Variants in ST3GAL1 observed in about 807,000 individuals in gnomAD.
ST3GAL1 encodes the protein ST3 beta-galactoside alpha-2,3-sialyltransferase 1.
Under a neutral mutation model 34.1 loss-of-function variants are expected in ST3GAL1, and 16 were observed. That is an observed-to-expected ratio of 0.47 (90% CI 0.32 to 0.71). ST3GAL1 has a LOEUF of 0.71. ST3GAL1 is among the 30% of genes least tolerant of loss of function. The probability of loss-of-function intolerance (pLI) is 0.04; values close to 1 mark genes in which losing one functional copy is unlikely to be tolerated. For missense variants in ST3GAL1, 353 were observed against 447.4 expected (o/e 0.79, Z 1.90); for synonymous variants, 191 against 184.7 (o/e 1.03, Z -0.28).
At chr8:133,462,093 G>GGCTGTGCCT in intron 8 of ST3GAL1, 99 bp from the exon 9 acceptor site, 1 of 1,543,556 alleles carries the variant, frequency 6.5e-7, no homozygotes, top group Non-Finnish European at 8.8e-7. Context: ...TGGAGGCACA[G>GGCTGTGCCT]CCATGAGCCT....
chr8:133,531,009 C>T (rs752108350), intron 2 of ST3GAL1, among the ~76,000 whole-genome samples: 18 of 152,202 alleles, frequency 1.2e-4, no homozygotes, highest in Non-Finnish European at 2.4e-4. Context: ...GGAGCCCTAA[C>T]AGCTGACCTG....
Position 133,541,120 on chromosome 8 carries a change from T to TAGAGAGAGAGAG in ST3GAL1, c.-429+4642_-429+4653dup, listed in dbSNP as rs1554618899. On this transcript the variant is annotated intron_variant, in intron 2 of 9. Transcript: ENST00000522652. ...ACATATATATATATATATATATATATAGAGAGAGAGAGAGAGAGAGAGAGA... is the reference window on the plus strand; with the variant it reads ...ACATATATATATATATATATATATATAGAGAGAGAGAGAGAGAGAGAGAGAGAGAGAGAGAGA... Among the ~76,000 whole-genome samples, 342 of 48,610 alleles carry TAGAGAGAGAGAG rather than the reference T, an allele frequency of 7.0e-3. 20 individuals carry two copies. The highest frequency in any genetic ancestry group is 8.3e-3 in the African/African-American group (84 of 10,132). 31.9% of individuals were successfully genotyped at this position (48,610 alleles called of 152,430 possible). A position where few individuals can be genotyped will look rare whatever the true frequency, so the allele number is the denominator to read the frequency against.
intron 2 of ST3GAL1, among the ~76,000 whole-genome samples, chr8:133,509,267 G>A (rs575475232): frequency 6.6e-6 from 1 of 152,324 alleles, no homozygotes; most frequent in South Asian, 2.1e-4. Flanking sequence ...TGCAGTGAGC[G>A]GCTACTGAAC....
intron 7 of ST3GAL1, among the ~76,000 whole-genome samples, chr8:133,464,550 G>A (rs1016429697): frequency 6.6e-6 from 1 of 152,228 alleles, no homozygotes; most frequent in Non-Finnish European, 1.5e-5. Flanking sequence ...GGTCCCTTCA[G>A]GAATTGTTAG....
chr8:133,507,086 A>C (rs1310967680), intron 2 of ST3GAL1, among the ~76,000 whole-genome samples: 1 of 152,320 alleles, frequency 6.6e-6, no homozygotes, highest in African/African-American at 2.4e-5. Flanking sequence ...GGAAGGAAAG[A>C]CAGAAATCCA....
intron 2 of ST3GAL1, among the ~76,000 whole-genome samples, chr8:133,509,965 A>T (rs1177326259): frequency 6.6e-6 from 1 of 151,728 alleles, no homozygotes; most frequent in Non-Finnish European, 1.5e-5. Context: ...TGGCTGAGGC[A>T]GGAGAATTGC....
intron 8 of ST3GAL1, among the ~76,000 whole-genome samples, chr8:133,462,333 C>T (rs1337692321): frequency 6.6e-6 from 1 of 152,132 alleles, no homozygotes; most frequent in Non-Finnish European, 1.5e-5. Flanking sequence ...CTCCAGGGAA[C>T]AGTGTGAGGT....
At chr8:133,503,773 A>C (rs1198953711) in intron 2 of ST3GAL1, among the ~76,000 whole-genome samples, 1 of 152,220 alleles carries the variant, frequency 6.6e-6, no homozygotes, top group Non-Finnish European at 1.5e-5. Flanking sequence ...TTTCCTAAAA[A>C]TAACTGAACG....
chr8:133,456,938 G>A lies in ST3GAL1; in HGVS notation c.*2826C>T, dbSNP rs1815322723. ...ACTCTGACTTGTGCTATCTGTCCCAGACAGTTCACGACTGCCCGTCACTTC... is the reference window on the plus strand; with the variant it reads ...ACTCTGACTTGTGCTATCTGTCCCAAACAGTTCACGACTGCCCGTCACTTC... On this transcript the variant is annotated 3_prime_UTR_variant, in exon 10 of 10. Transcript: ENST00000522652. 6.6e-6 allele frequency: 1 copy of A among 152,296 alleles called. No homozygotes were observed. The highest frequency in any genetic ancestry group is 2.4e-5 in the African/African-American group (1 of 41,454). The allele number at this position is 152,296 out of a possible 1,614,324, so 9.4% of individuals were successfully genotyped here.
At chr8:133,557,837 G>A (rs535960134) in intron 1 of ST3GAL1, among the ~76,000 whole-genome samples, 72 of 151,464 alleles carry the variant, frequency 4.8e-4, no homozygotes, top group African/African-American at 1.5e-3. Flanking sequence ...TCTGGGAGGC[G>A]GAGGTTGCAG....
chr8:133,461,957 A>G lies in ST3GAL1; in HGVS notation c.767T>C (p.Phe256Ser). The change falls in exon 9 of 10, where the codon TTT (phenylalanine) becomes TCT (serine). Residue 256 changes from phenylalanine (F) to serine (S), a missense_variant. Phe to Ser is a radical substitution (Grantham distance 155). Transcript: ENST00000522652. The surrounding 1 kb of genome is among the most constrained non-coding windows in gnomAD (Gnocchi z 4.7). Reference protein sequence around the residue: ...IYHPAFIKYVFDNWLQGHGRY... With the variant: ...IYHPAFIKYVSDNWLQGHGRY... ...CCCGTGCCCTTGCAGCCAGTTGTCA[A>G]AGACATACTTGATGAAGGCTGGGTG... 1 of 1,614,182 alleles carries G rather than the reference A, an allele frequency of 6.2e-7. No individual in the cohort carries two copies. The highest frequency in any genetic ancestry group is 1.6e-4 in the Middle Eastern group (1 of 6,062).
In ST3GAL1 at chr8:133,508,700, T is replaced by C. The variant is rs1054981326; in HGVS notation, c.-428-9511A>G. On this transcript the variant is annotated intron_variant, in intron 2 of 9. Coordinates refer to ENST00000522652, the MANE Select transcript of ST3GAL1 (RefSeq NM_173344.3). The surrounding 1 kb of genome is among the most constrained non-coding windows in gnomAD (Gnocchi z 4.1). Reference sequence around the variant, plus strand: ...TGGCTTTTGTGAGGAACCAGAGCCATTGGTCATTTAGTAAAGACTCGTTGG... The same window carrying C: ...TGGCTTTTGTGAGGAACCAGAGCCACTGGTCATTTAGTAAAGACTCGTTGG... Among the ~76,000 whole-genome samples the C allele has an allele frequency of 2.6e-5, 4 of 152,010 alleles. No homozygotes were observed. The highest frequency in any genetic ancestry group is 1.5e-5 in the Non-Finnish European group (1 of 67,996).
chr8:133,549,876 C>T (rs1009169974), intron 1 of ST3GAL1, among the ~76,000 whole-genome samples: 6 of 152,112 alleles, frequency 3.9e-5, no homozygotes, highest in Admixed American at 1.3e-4. Context: ...GCAGGAGAAT[C>T]GCTTGAACCT....
chr8:133,567,289 C>T (rs1371081571), intron 1 of ST3GAL1: 2 of 152,204 alleles, frequency 1.3e-5, no homozygotes, highest in African/African-American at 2.4e-5. Context: ...GTAGTCTTTC[C>T]TCTCTGCATC....
At chr8:133,496,997 A>G (rs1003178957) in intron 3 of ST3GAL1, among the ~76,000 whole-genome samples, 1 of 152,182 alleles carries the variant, frequency 6.6e-6, no homozygotes, top group African/African-American at 2.4e-5. Context: ...ACCCAGCCCC[A>G]TGAACTGCTC....
At chr8:133,549,898 G>A (rs1342829762) in intron 1 of ST3GAL1, among the ~76,000 whole-genome samples, 1 of 152,170 alleles carries the variant, frequency 6.6e-6, no homozygotes, top group East Asian at 1.9e-4. Flanking sequence ...GGAGGCAGAG[G>A]TTGTGGTGAG....
At chr8:133,567,212 C>CAGGG (rs1819429256) in intron 1 of ST3GAL1, 3 of 152,220 alleles carry the variant, frequency 2.0e-5, no homozygotes, top group Non-Finnish European at 4.4e-5. Context: ...CGCAGCCTGA[C>CAGGG]AGGGTATGTC....
At chr8:133,566,074 C>A (rs1819390599) in intron 1 of ST3GAL1, among the ~76,000 whole-genome samples, 1 of 152,220 alleles carries the variant, frequency 6.6e-6, no homozygotes, top group South Asian at 2.1e-4. Context: ...GCTGGGCACC[C>A]CGACCATCTT....
chr8:133,517,182 C>A (rs1315046035), intron 2 of ST3GAL1, among the ~76,000 whole-genome samples: 1 of 152,174 alleles, frequency 6.6e-6, no homozygotes, highest in Non-Finnish European at 1.5e-5. Context: ...TGAGGGCCAG[C>A]AAGCCCCAGT....
Sources: allele counts gnomAD v4.1 joint callset (sites outside exome capture counted in the v4.1 genomes callset), GRCh38; gene constraint gnomAD v4.1.1; non-coding constraint Gnocchi (gnomAD v3.1); transcripts MANE v1.5; gene names NCBI Gene and HGNC (gene_info 2026-07-23, HGNC 2026-07-21).